Variants in LRRC40 observed in about 807,000 individuals in gnomAD.
The protein encoded by LRRC40 is leucine rich repeat containing 40.
A neutral mutation model predicts 72.8 loss-of-function variants in LRRC40; 76 were observed. That is an observed-to-expected ratio of 1.04 (90% CI 0.87 to 1.26). LRRC40 has a LOEUF of 1.26. LRRC40 is among the 50% of genes most tolerant of loss of function. LRRC40 has a pLI of 0.00. For synonymous variants in LRRC40, 243 were observed against 254.2 expected (o/e 0.96, Z 0.42); for missense variants, 684 against 698.9 (o/e 0.98, Z 0.24).
intron 10 of LRRC40, among the ~76,000 whole-genome samples, chr1:70,158,304 G>A (rs1377842176): frequency 6.6e-6 from 1 of 151,992 alleles, no homozygotes; most frequent in Non-Finnish European, 1.5e-5. Context: ...TATCCTGACT[G>A]CTAAGAAGAT....
intron 1 of LRRC40, 26 bp from the exon 2 acceptor site, chr1:70,189,299 A>T: frequency 5.4e-4 from 95 of 177,372 alleles, no homozygotes; most frequent in Non-Finnish European, 8.1e-4. Context: ...CCACACCAGG[A>T]AAAAAAAAAA....
At chr1:70,202,875 G>A (rs1668779112) in intron 1 of LRRC40, among the ~76,000 whole-genome samples, 1 of 152,050 alleles carries the variant, frequency 6.6e-6, no homozygotes, top group Admixed American at 6.5e-5. Context: ...TTGGGGGAAA[G>A]GTAATTTTTG....
chr1:70,165,886 G>T (rs1014899790), intron 9 of LRRC40, among the ~76,000 whole-genome samples: 2 of 152,144 alleles, frequency 1.3e-5, no homozygotes, highest in East Asian at 3.9e-4. Context: ...CTCTAGATAC[G>T]TATGTAGATT....
chr1:70,164,616 G>A, intron 9 of LRRC40, among the ~76,000 whole-genome samples: 1 of 152,052 alleles, frequency 6.6e-6, no homozygotes, highest in East Asian at 1.9e-4. Context: ...CATCACCACT[G>A]GAACATATCT....
intron 1 of LRRC40, among the ~76,000 whole-genome samples, chr1:70,195,078 G>A (rs1250806211): frequency 2.0e-5 from 3 of 151,862 alleles, no homozygotes; most frequent in Non-Finnish European, 2.9e-5. Flanking sequence ...AATGGACCAC[G>A]GACTTATATG....
intron 9 of LRRC40, among the ~76,000 whole-genome samples, chr1:70,172,340 C>T (rs1328079317): frequency 3.3e-5 from 5 of 152,066 alleles, no homozygotes; most frequent in Admixed American, 3.3e-4. Flanking sequence ...TTCCAATGTC[C>T]ACATGTTTAT....
chr1:70,190,820 A>G (rs191402759), intron 1 of LRRC40, among the ~76,000 whole-genome samples: 2 of 151,940 alleles, frequency 1.3e-5, no homozygotes, highest in Admixed American at 1.3e-4. Flanking sequence ...TCTACCACTG[A>G]TTCTCCATTA....
At chr1:70,195,736 G>A (rs1558128990) in intron 1 of LRRC40, among the ~76,000 whole-genome samples, 1 of 152,070 alleles carries the variant, frequency 6.6e-6, no homozygotes, top group Non-Finnish European at 1.5e-5. Flanking sequence ...CGGGTTCAAG[G>A]GATTCTCTGC....
rs536397839 is a variant in LRRC40, at chr1:70,171,882, A to G, written c.1111+1583T>C. Among the ~76,000 whole-genome samples the G allele has an allele frequency of 2.6e-5, 4 of 152,280 alleles. No individual in the cohort carries two copies. In the East Asian group the frequency reaches 7.7e-4, roughly 29 times the overall value. On this transcript the variant is annotated intron_variant, in intron 9 of 14. Transcript: ENST00000370952. ...AAGAGAAATGAAAACATACATTCAC[A>G]CTGAAACCTGTACAAGAATGTTTAT...
intron 14 of LRRC40, among the ~76,000 whole-genome samples, 171 bp from the exon 15 acceptor site, chr1:70,146,076 G>A (rs1667282691): frequency 6.6e-6 from 1 of 151,538 alleles, no homozygotes; most frequent in African/African-American, 2.4e-5. Flanking sequence ...CCAGCCTGAA[G>A]TGCAGAGGTG....
chr1:70,195,515 A>G (rs1028136131), intron 1 of LRRC40, among the ~76,000 whole-genome samples: 1 of 152,246 alleles, frequency 6.6e-6, no homozygotes, highest in African/African-American at 2.4e-5. Flanking sequence ...ACACAGCCAC[A>G]AGAATAGTTA....
At position 70,181,179 on chromosome 1, in the gene LRRC40, G is replaced by A. The variant is rs1443387853; in HGVS notation, c.568C>T (p.Pro190Ser). 1 of 1,590,828 alleles carries A rather than the reference G, an allele frequency of 6.3e-7. No individual in the cohort carries two copies. The highest frequency in any genetic ancestry group is 2.3e-5 in the East Asian group (1 of 43,880). Residue 190 changes from proline to serine, a missense_variant, in exon 5 of 15, where the codon CCT becomes TCT. By Grantham distance (74) the Pro-to-Ser change is moderately conservative. Coordinates refer to ENST00000370952, the MANE Select transcript of LRRC40 (RefSeq NM_017768.5). ...DLSNNHLTTV[P>S]ASFSSLSSLV... ...CTGGACAGAGAAGAAAAACTAGCAG[G>A]AACAGTTGTAAGATGATTGTTTGAA...
intron 13 of LRRC40, among the ~76,000 whole-genome samples, chr1:70,149,286 T>A (rs1188690862): frequency 6.6e-6 from 1 of 152,156 alleles, no homozygotes; most frequent in Non-Finnish European, 1.5e-5. Context: ...TGAGGTGAAC[T>A]GCAGCCTTGA....
Position 70,155,693 on chromosome 1 carries a change from T to G in LRRC40, c.1324A>C (p.Lys442Gln), listed in dbSNP as rs372089110. Reference sequence around the variant, plus strand: ...ACATGGCATCATAGTTCTTACCTTTTTGGAATTTCACATAGTTGATTCTTA... The same window carrying G: ...ACATGGCATCATAGTTCTTACCTTTGTGGAATTTCACATAGTTGATTCTTA... ...FSKNQLCEIP[K>Q]RMVELKEMVS... The change falls in exon 11 of 15, where the codon AAA (lysine) becomes CAA (glutamine). Residue 442 changes from lysine (K) to glutamine (Q), a missense_variant. Physicochemically the swap from Lys to Gln is moderately conservative, Grantham distance 53. Transcript: ENST00000370952. 1 of 1,501,442 alleles carries G rather than the reference T, an allele frequency of 6.7e-7. No individual in the cohort carries two copies. Among genetic ancestry groups the G allele is most frequent in the Non-Finnish European group, 9.1e-7 (1 of 1,101,296 alleles). The allele number at this position is 1,501,442 out of a possible 1,614,324, so 93.0% of individuals were successfully genotyped here. A position where few individuals can be genotyped will look rare whatever the true frequency, so the allele number is the denominator to read the frequency against.
Position 70,183,407 on chromosome 1 carries a change from G to GA in LRRC40, c.537+1377dup, listed in dbSNP as rs991475252. ...ATCTTATTCCTTTGGTGGTAAAATG[G>GA]AAAAAAAAAAAGAGATGGATACACT... On this transcript the variant is annotated intron_variant, in intron 4 of 14. Coordinates refer to ENST00000370952, the MANE Select transcript of LRRC40 (RefSeq NM_017768.5). Among the ~76,000 whole-genome samples, 703 of 141,978 alleles carry GA rather than the reference G, an allele frequency of 5.0e-3. 4 individuals are homozygous for GA. The highest frequency in any genetic ancestry group is 0.012 in the African/African-American group (463 of 39,022). The allele number at this position is 141,978 out of a possible 152,430, so 93.1% of individuals were successfully genotyped here. A position where few individuals can be genotyped will look rare whatever the true frequency, so the allele number is the denominator to read the frequency against.
At chr1:70,180,895 A>G (rs570356969) in intron 5 of LRRC40, among the ~76,000 whole-genome samples, 191 bp downstream of exon 5, 19 of 152,292 alleles carry the variant, frequency 1.2e-4, no homozygotes, top group Admixed American at 6.5e-4. Flanking sequence ...AAGTATCTTT[A>G]TGATGGTATT....
At chr1:70,155,520 C>T (rs1358813695) in intron 11 of LRRC40, among the ~76,000 whole-genome samples, 169 bp downstream of exon 11, 1 of 151,936 alleles carries the variant, frequency 6.6e-6, no homozygotes, top group Non-Finnish European at 1.5e-5. Flanking sequence ...AAAATTGTGT[C>T]AGTAAATACT....
At chr1:70,187,770 G>A (rs988071535) in intron 2 of LRRC40, among the ~76,000 whole-genome samples, 1 of 151,906 alleles carries the variant, frequency 6.6e-6, no homozygotes, top group Non-Finnish European at 1.5e-5. Flanking sequence ...GGTCAAGGCT[G>A]CAGTGAGCCC....
intron 7 of LRRC40, among the ~76,000 whole-genome samples, chr1:70,174,631 A>T (rs1668064842): frequency 6.6e-6 from 1 of 152,120 alleles, no homozygotes; most frequent in Non-Finnish European, 1.5e-5. Flanking sequence ...GATACATACA[A>T]CCACATGAAT....
Sources: gnomAD v4.1 joint callset for allele counts (sites outside exome capture counted in the v4.1 genomes callset) on GRCh38, gnomAD v4.1.1 for gene constraint, MANE v1.5 for transcripts, NCBI Gene and HGNC (gene_info 2026-07-23, HGNC 2026-07-21) for gene names.